The following TCF4 variants were observed in gnomAD, a reference collection of about 807,000 sequenced individuals.
TCF4 encodes SL3-3 enhancer factor 2.
Under a neutral mutation model 82.1 loss-of-function variants are expected in TCF4, and 3 were observed. That is an observed-to-expected ratio of 0.04 (90% confidence interval 0.02 to 0.09). The LOEUF (loss-of-function observed/expected upper bound fraction) is 0.09. Ranked by LOEUF, TCF4 falls within the 10% of genes least tolerant of loss-of-function variation. The probability of loss-of-function intolerance (pLI) is 1.00; values close to 1 mark genes in which losing one functional copy is unlikely to be tolerated. For synonymous variants in TCF4, 276 were observed against 309.6 expected, an observed-to-expected ratio of 0.89 and a Z score of 1.14; for missense variants, 518 against 852.7, an observed-to-expected ratio of 0.61 and a Z score of 4.89.
intron 15 of TCF4, among the ~76,000 whole-genome samples, chr18:55,237,627 G>GC (rs11409023): frequency 0.8 from 121,822 of 151,776 alleles, 49,156 homozygotes; most frequent in Admixed American, 0.86. Context: ...CCACCACCAC[G>GC]CCGGCTAATT....
intron 5 of TCF4, among the ~76,000 whole-genome samples, chr18:55,450,579 T>TA (rs1429826586): frequency 1.3e-5 from 2 of 151,706 alleles, no homozygotes; most frequent in African/African-American, 4.9e-5. Context: ...CTCTTAAGAG[T>TA]AAGGGGAATG....
intron 3 of TCF4, among the ~76,000 whole-genome samples, chr18:55,500,055 C>T (rs1448329827): frequency 4.6e-5 from 7 of 151,996 alleles, no homozygotes; most frequent in South Asian, 2.1e-4. Context: ...TGGTGGTATA[C>T]GCCTGTAATC....
At chr18:55,440,896 T>A (rs149726027) in intron 5 of TCF4, among the ~76,000 whole-genome samples, 3,708 of 152,308 alleles carry the variant, frequency 0.024, 84 homozygotes, top group Non-Finnish European at 0.031. Flanking sequence ...GATTTATGTC[T>A]GAATACGCAT....
chr18:55,378,410 A>C (rs1257820232), intron 6 of TCF4, among the ~76,000 whole-genome samples: 1 of 152,234 alleles, frequency 6.6e-6, no homozygotes, highest in Non-Finnish European at 1.5e-5. Flanking sequence ...GCTAATGTTA[A>C]TGAAGAAGGT....
intron 2 of TCF4, among the ~76,000 whole-genome samples, chr18:55,616,773 T>C (rs1254852097): frequency 6.6e-6 from 1 of 152,150 alleles, no homozygotes; most frequent in Non-Finnish European, 1.5e-5. Flanking sequence ...ATCCAGTCTT[T>C]TGCCCATTAA....
chr18:55,335,467 T>C (rs180892542), intron 8 of TCF4, among the ~76,000 whole-genome samples: 1 of 152,212 alleles, frequency 6.6e-6, no homozygotes, highest in African/African-American at 2.4e-5. Flanking sequence ...ATCAGCTGTT[T>C]ATGCTTTCAA....
At chr18:55,235,602 C>A (rs1458026922) in intron 15 of TCF4, among the ~76,000 whole-genome samples, 1 of 152,160 alleles carries the variant, frequency 6.6e-6, no homozygotes, top group East Asian at 1.9e-4. Flanking sequence ...GAACTTGTGG[C>A]ACTGAGACAG....
intron 8 of TCF4, among the ~76,000 whole-genome samples, chr18:55,293,549 T>C (rs2065630443): frequency 6.6e-6 from 1 of 152,178 alleles, no homozygotes; most frequent in Admixed American, 6.5e-5. Flanking sequence ...TTTCTAGATT[T>C]GGTTCTATCG....
At chr18:55,463,619 T>C (rs1256544931) in intron 4 of TCF4, among the ~76,000 whole-genome samples, 2 of 152,230 alleles carry the variant, frequency 1.3e-5, no homozygotes, top group South Asian at 4.1e-4. Context: ...TAGATTATAC[T>C]GGTAGGATAG....
intron 3 of TCF4, among the ~76,000 whole-genome samples, chr18:55,468,433 C>G (rs899226966): frequency 1.3e-5 from 2 of 152,166 alleles, no homozygotes; most frequent in Non-Finnish European, 2.9e-5. Context: ...TCTGTGAGCT[C>G]CCAACACAGA....
At chr18:55,608,921 C>T (rs919066159) in intron 2 of TCF4, among the ~76,000 whole-genome samples, 3 of 152,034 alleles carry the variant, frequency 2.0e-5, no homozygotes, top group Admixed American at 6.6e-5. Context: ...AAGGCTAATC[C>T]CCAATGTGAT....
chr18:55,502,954 G>A (rs2096716192), intron 3 of TCF4, among the ~76,000 whole-genome samples: 1 of 152,156 alleles, frequency 6.6e-6, no homozygotes, highest in African/African-American at 2.4e-5. Context: ...TGATTCCATG[G>A]TAACACTTCA....
chr18:55,351,656 A>G (rs1267469893), intron 6 of TCF4: 3 of 200,334 alleles, frequency 1.5e-5, no homozygotes, highest in African/African-American at 7.1e-5. Context: ...GACACATCCC[A>G]CAGATTAAAC....
chr18:55,581,510 G>A (rs1408615672), intron 3 of TCF4, among the ~76,000 whole-genome samples: 2 of 151,842 alleles, frequency 1.3e-5, no homozygotes, highest in East Asian at 1.9e-4. Context: ...TACCATTTAC[G>A]ATTTTAAGGG....
intron 10 of TCF4, among the ~76,000 whole-genome samples, chr18:55,270,876 A>G (rs2060203388): frequency 6.6e-6 from 1 of 152,140 alleles, no homozygotes; most frequent in South Asian, 2.1e-4. Flanking sequence ...GCAGCTTCAA[A>G]AGTTATTCTC....
chr18:55,546,912 C>T (rs1251944764), intron 3 of TCF4: 1 of 152,224 alleles, frequency 6.6e-6, no homozygotes, highest in Admixed American at 6.5e-5. Flanking sequence ...GTGTTTCCAT[C>T]AATCAGAGTA....
intron 2 of TCF4, among the ~76,000 whole-genome samples, chr18:55,595,610 A>G (rs1436991206): frequency 6.6e-6 from 1 of 152,166 alleles, no homozygotes; most frequent in East Asian, 1.9e-4. Flanking sequence ...CTGCTTTTAG[A>G]TGGTTTGGGA....
chr18:55,267,454 A>G (rs1019396034), intron 11 of TCF4: 2 of 152,162 alleles, frequency 1.3e-5, no homozygotes, highest in Non-Finnish European at 2.9e-5. Flanking sequence ...TCAAAAAATC[A>G]AACCAAAGCC....
intron 5 of TCF4, among the ~76,000 whole-genome samples, chr18:55,440,119 G>A (rs1035016888): frequency 3.3e-5 from 5 of 152,240 alleles, no homozygotes; most frequent in Middle Eastern, 3.4e-3. Flanking sequence ...TCCACTCTGG[G>A]TGGTGAGCCA....
Sources: gnomAD v4.1 joint callset for allele counts (sites outside exome capture counted in the v4.1 genomes callset) on GRCh38, gnomAD v4.1.1 for gene constraint, MANE v1.5 for transcripts, NCBI Gene and HGNC (gene_info 2026-07-23, HGNC 2026-07-21) for gene names.